The following RAB37 variants were observed in gnomAD, a reference collection of about 807,000 sequenced individuals.
RAB37 encodes the protein RAB37, member RAS oncogene family, also known as ras-related protein Rab-37.
RAB37 carries 29 observed loss-of-function variants against 33.1 expected under a neutral mutation model. That is an observed-to-expected ratio of 0.88 (90% CI 0.65 to 1.20). RAB37 has a LOEUF of 1.20. Ranked by LOEUF, RAB37 falls within the 50% of genes most tolerant of loss-of-function variation. The pLI is 0.00. For synonymous variants in RAB37, 128 were observed against 119.5 expected (o/e 1.07, Z -0.47); for missense variants, 299 against 301.1 (o/e 0.99, Z 0.05).
chr17:74,691,544 T>C (rs531434898), intron 1 of RAB37, among the ~76,000 whole-genome samples: 1 of 152,302 alleles, frequency 6.6e-6, no homozygotes, highest in Non-Finnish European at 1.5e-5. Context: ...CCATGCTGTT[T>C]CACTGCTCTT....
At chr17:74,702,034 A>G (rs1451556058) in intron 1 of RAB37, among the ~76,000 whole-genome samples, 1 of 151,690 alleles carries the variant, frequency 6.6e-6, no homozygotes, top group Non-Finnish European at 1.5e-5. Context: ...AAAAAAAAAG[A>G]AAACTTTAAA....
At chr17:74,737,409 A>G (rs1451222009) in intron 1 of RAB37, 44 bp downstream of exon 1, 1 of 1,515,118 alleles carries the variant, frequency 6.6e-7, no homozygotes, top group African/African-American at 1.4e-5. Context: ...CCTCGGCGCT[A>G]GCCCCTTCCT....
chr17:74,697,955 T>C (rs1326081868), intron 1 of RAB37, among the ~76,000 whole-genome samples: 2 of 152,098 alleles, frequency 1.3e-5, no homozygotes, highest in African/African-American at 4.8e-5. Context: ...TCCACTGGTG[T>C]GTTTGTGTCT....
intron 1 of RAB37, among the ~76,000 whole-genome samples, chr17:74,706,725 C>T (rs987519775): frequency 5.9e-5 from 9 of 152,096 alleles, no homozygotes; most frequent in Admixed American, 1.3e-4. Flanking sequence ...ACCAACGGCG[C>T]GGACAGAGGG....
chr17:74,729,494 G>GT lies in RAB37; in HGVS notation c.183+130dup, dbSNP rs977905969. Reference sequence around the variant, plus strand: ...TTCAAGGAGGATTAAGGAGAAGACTGTTCCCCAAGGTGTAGGAGGGTGTTG... The same window carrying GT: ...TTCAAGGAGGATTAAGGAGAAGACTGTTTCCCCAAGGTGTAGGAGGGTGTTG... On this transcript the variant is annotated intron_variant, in intron 2 of 7. Transcript: ENST00000340415. This position sits in a 1 kb window ranked among gnomAD's most constrained non-coding sequence, Gnocchi z 4.2. 88 of 733,436 alleles carry GT rather than the reference G, an allele frequency of 1.2e-4. 1 individual carries two copies. Among genetic ancestry groups the GT allele is most frequent in the Non-Finnish European group, 1.5e-5 (6 of 406,928 alleles). The allele number at this position is 733,436 out of a possible 1,614,324, so 45.4% of individuals were successfully genotyped here. A position where few individuals can be genotyped will look rare whatever the true frequency, so the allele number is the denominator to read the frequency against.
upstream of RAB37, among the ~76,000 whole-genome samples, chr17:74,736,137 C>T: frequency 6.6e-6 from 1 of 151,948 alleles, no homozygotes; most frequent in East Asian, 1.9e-4. Flanking sequence ...AGCTTGAACC[C>T]GGGAAGCAAA....
chr17:74,713,322 A>C (rs2034090975), intron 1 of RAB37, among the ~76,000 whole-genome samples: 1 of 151,972 alleles, frequency 6.6e-6, no homozygotes, highest in East Asian at 1.9e-4. Flanking sequence ...AAACAAAAAA[A>C]AAAAAAAAAA....
chr17:74,745,110 T>C lies in RAB37; in HGVS notation c.566+26T>C. 2.5e-6 allele frequency: 4 copies of C among 1,601,212 alleles called. No individual in the cohort carries two copies. Among genetic ancestry groups the C allele is most frequent in the Non-Finnish European group, 3.4e-6 (4 of 1,168,208 alleles). ...GTGAGAGCTGGGCAGGGAAGGGAAGTGTGCGGGGCAGGGCGGCACACTCCA... is the reference window on the plus strand; with the variant it reads ...GTGAGAGCTGGGCAGGGAAGGGAAGCGTGCGGGGCAGGGCGGCACACTCCA... On this transcript the variant is annotated intron_variant, in intron 8 of 8. Coordinates refer to ENST00000392613, the MANE Select transcript of RAB37 (RefSeq NM_001006638.3). This position sits in a 1 kb window ranked among gnomAD's most constrained non-coding sequence, Gnocchi z 4.5.
chr17:74,736,780 G>A (rs1352200139), upstream of RAB37: 2 of 1,535,632 alleles, frequency 1.3e-6, no homozygotes, highest in Admixed American at 2.0e-5. Context: ...GCTCGGGCCG[G>A]GTGACTTAAC....
At position 74,744,221 on chromosome 17, in the gene RAB37, G is replaced by A. The variant is rs2034692346; in HGVS notation, c.367-87G>A. The A allele has an allele frequency of 7.9e-7, 1 of 1,272,850 alleles. No individual in the cohort carries two copies. The allele number at this position is 1,272,850 out of a possible 1,614,324, so 78.8% of individuals were successfully genotyped here. The stretch of plus-strand genomic sequence containing the variant: ...CACAGGGTATCGTGTTCAAGGTAGT[G>A]AGTAACTGAGGATAGTCAAACGGAG... On this transcript the variant is annotated intron_variant, in intron 5 of 8. Coordinates refer to ENST00000392613, the MANE Select transcript of RAB37 (RefSeq NM_001006638.3). The surrounding 1 kb of genome is among the most constrained non-coding windows in gnomAD (Gnocchi z 4.2).
intron 1 of RAB37, among the ~76,000 whole-genome samples, chr17:74,689,399 C>T (rs1013113078): frequency 2.0e-5 from 3 of 151,558 alleles, no homozygotes; most frequent in Non-Finnish European, 4.4e-5. Context: ...GCCAAGATTG[C>T]GCCACTGCAC....
intron 1 of RAB37, chr17:74,698,496 A>G (rs749250462): frequency 6.2e-7 from 1 of 1,607,728 alleles, no homozygotes; most frequent in Non-Finnish European, 8.5e-7. Context: ...AAACAATGGC[A>G]AGCGTCCCCT....
intron 1 of RAB37, 44 bp from the exon 2 acceptor site, chr17:74,740,724 C>A: frequency 7.6e-7 from 1 of 1,315,210 alleles, no homozygotes; most frequent in Non-Finnish European, 1.1e-6. Flanking sequence ...ATCCCAGAAG[C>A]TGCCCCTGAC....
intron 1 of RAB37, chr17:74,695,744 T>C (rs1280679227): frequency 6.2e-7 from 1 of 1,614,116 alleles, no homozygotes; most frequent in African/African-American, 1.3e-5. Flanking sequence ...ATATTCCACT[T>C]CCACCTGGTC....
chr17:74,708,870 C>T (rs1005859403), intron 1 of RAB37, among the ~76,000 whole-genome samples: 5 of 149,916 alleles, frequency 3.3e-5, no homozygotes, highest in Admixed American at 6.7e-5. Context: ...GAGCCGAGAT[C>T]GCGCCACTGC....
chr17:74,735,147 AAAGGAAAG>A (rs971987492), upstream of RAB37, among the ~76,000 whole-genome samples: 12 of 148,100 alleles, frequency 8.1e-5, no homozygotes, highest in East Asian at 2.0e-4. Flanking sequence ...AGAGAGAGAG[AAAGGAAAG>A]AAGGAAAGAA....
At chr17:74,691,480 T>C (rs1009447472) in intron 1 of RAB37, among the ~76,000 whole-genome samples, 14 of 152,150 alleles carry the variant, frequency 9.2e-5, no homozygotes, top group Non-Finnish European at 1.8e-4. Context: ...TGTAGACACC[T>C]TTTTTCAAAG....
At chr17:74,743,457 T>A in intron 5 of RAB37, 117 bp downstream of exon 5, 1 of 990,152 alleles carries the variant, frequency 1.0e-6, no homozygotes, top group Non-Finnish European at 1.6e-6. Flanking sequence ...TCCTGCCTTC[T>A]GAAAAACACC....
At chr17:74,674,293 G>A (rs185447275) in intron 1 of RAB37, among the ~76,000 whole-genome samples, 59 of 144,578 alleles carry the variant, frequency 4.1e-4, no homozygotes, top group African/African-American at 1.3e-3. Flanking sequence ...TGTTGGCCAG[G>A]CTGGTCTTGA....
Sources: allele counts gnomAD v4.1 joint callset (sites outside exome capture counted in the v4.1 genomes callset), GRCh38; gene constraint gnomAD v4.1.1; non-coding constraint Gnocchi (gnomAD v3.1); transcripts MANE v1.5; gene names NCBI Gene and HGNC (gene_info 2026-07-23, HGNC 2026-07-21).